Variants in PTPDC1 observed in about 807,000 individuals in gnomAD.
The protein encoded by PTPDC1 is protein tyrosine phosphatase domain containing 1.
In PTPDC1, 53 loss-of-function variants were observed where a neutral mutation model predicts 75.3. That is an observed-to-expected ratio of 0.70 (90% CI 0.56 to 0.88). The LOEUF (loss-of-function observed/expected upper bound fraction) is 0.88, where lower values mean the gene tolerates loss of function less well. Among genes scored for constraint, PTPDC1 ranks in the 40% least tolerant of loss-of-function variants. The pLI, the probability that PTPDC1 is intolerant of heterozygous loss-of-function variation, is 0.00. For synonymous variants in PTPDC1, 349 were observed against 366.2 expected (o/e 0.95, Z 0.54); for missense variants, 925 against 998.6 (o/e 0.93, Z 0.99).
chr9:94,096,198 C>T (rs1305024246), intron 5 of PTPDC1, among the ~76,000 whole-genome samples: 1 of 152,232 alleles, frequency 6.6e-6, no homozygotes, highest in East Asian at 1.9e-4. Flanking sequence ...CAGCTCAGCT[C>T]TGTCCGCAGT....
In PTPDC1 at chr9:94,044,883, T is replaced by G. The variant is rs568183070; in HGVS notation, c.-7+13756T>G. ...TATACTTTAAGTTTTAGGGTACATG[T>G]GCACAATGTGCAGGTTTGTTACATA... is the stretch of plus-strand genomic sequence containing the variant. On this transcript the variant is annotated intron_variant, in intron 1 of 9. Coordinates refer to the PTPDC1 transcript ENST00000375360. Among the ~76,000 whole-genome samples the G allele has an allele frequency of 7.2e-5, 11 of 152,174 alleles. 1 individual carries two copies. The South Asian group carries it at 2.3e-3, about 32-fold the overall frequency.
At chr9:94,065,371 A>C (rs188833334) in intron 2 of PTPDC1, among the ~76,000 whole-genome samples, 63 of 152,366 alleles carry the variant, frequency 4.1e-4, no homozygotes, top group Non-Finnish European at 8.1e-4. Context: ...CACCACCGGC[A>C]GTTAGCCAAG....
At chr9:94,038,710 T>C (rs1825346955) in intron 1 of PTPDC1, among the ~76,000 whole-genome samples, 1 of 152,208 alleles carries the variant, frequency 6.6e-6, no homozygotes, top group Admixed American at 6.5e-5. Context: ...ATTTAAATAC[T>C]GGGGAAATTC....
intron 2 of PTPDC1, among the ~76,000 whole-genome samples, chr9:94,073,238 T>C (rs532425540): frequency 6.6e-6 from 1 of 152,326 alleles, no homozygotes; most frequent in Admixed American, 6.5e-5. Flanking sequence ...CTTGGTTGAG[T>C]CTTGGTAGTT....
chr9:94,061,164 T>C (rs951144106), intron 1 of PTPDC1, among the ~76,000 whole-genome samples: 6 of 152,218 alleles, frequency 3.9e-5, no homozygotes, highest in Non-Finnish European at 4.4e-5. Flanking sequence ...AGAAAGGGGC[T>C]ACAAGCTCCA....
chr9:94,102,643 G>A (rs887326726), intron 7 of PTPDC1, among the ~76,000 whole-genome samples: 7 of 152,118 alleles, frequency 4.6e-5, no homozygotes, highest in South Asian at 2.1e-4. Context: ...GCAATGGCGC[G>A]ATCTCAGCTC....
chr9:94,068,346 G>C (rs1019519254), intron 2 of PTPDC1, among the ~76,000 whole-genome samples: 2 of 152,020 alleles, frequency 1.3e-5, no homozygotes, highest in African/African-American at 4.8e-5. Flanking sequence ...AAAGGCCCTA[G>C]TCACTCCTTT....
intron 8 of PTPDC1, among the ~76,000 whole-genome samples, chr9:94,104,674 C>T (rs1827955839): frequency 6.6e-6 from 1 of 152,172 alleles, no homozygotes; most frequent in Non-Finnish European, 1.5e-5. Context: ...GTGTTGAATA[C>T]ATATTTTTAG....
intron 2 of PTPDC1, among the ~76,000 whole-genome samples, chr9:94,075,207 G>T (rs1826644608): frequency 6.6e-6 from 1 of 152,110 alleles, no homozygotes; most frequent in Non-Finnish European, 1.5e-5. Context: ...TCTTCCAATT[G>T]GGGTATGGAA....
intron 4 of PTPDC1, among the ~76,000 whole-genome samples, chr9:94,091,691 C>T (rs1476004484): frequency 2.0e-5 from 3 of 152,112 alleles, no homozygotes; most frequent in African/African-American, 4.8e-5. Flanking sequence ...TGGTAGAATT[C>T]GGCTGTGAAT....
intron 1 of PTPDC1, chr9:94,038,066 C>T: frequency 1.9e-6 from 1 of 516,190 alleles, no homozygotes; most frequent in Non-Finnish European, 3.7e-6. Context: ...GATTTTTGTT[C>T]AGAAGTGTGC....
chr9:94,081,051 G>A (rs941896818), upstream of PTPDC1, among the ~76,000 whole-genome samples: 1 of 137,784 alleles, frequency 7.3e-6, no homozygotes, highest in East Asian at 2.1e-4. Flanking sequence ...GTGCAGTGGT[G>A]CAATCTCAGC....
At chr9:94,091,556 T>A (rs1352481845) in intron 4 of PTPDC1, among the ~76,000 whole-genome samples, 3 of 152,148 alleles carry the variant, frequency 2.0e-5, no homozygotes, top group Non-Finnish European at 4.4e-5. Flanking sequence ...TTTTTTGTTG[T>A]GTCTCTGCCT....
intron 2 of PTPDC1, among the ~76,000 whole-genome samples, chr9:94,076,377 T>C (rs530766032): frequency 2.6e-5 from 4 of 152,214 alleles, no homozygotes; most frequent in Non-Finnish European, 5.9e-5. Context: ...GCCACCAGAC[T>C]ACTTTCTGTC....
At chr9:94,088,092 A>AT in intron 3 of PTPDC1, 53 bp from the exon 4 acceptor site, 9 of 1,582,146 alleles carry the variant, frequency 5.7e-6, no homozygotes, top group Non-Finnish European at 5.1e-6. Context: ...AAAATGGTTA[A>AT]TTTTTTTTAA....
Position 94,085,419 on chromosome 9 carries a change from C to G in PTPDC1, c.413C>G (p.Ser138Cys), listed in dbSNP as rs1241562678. The change falls in exon 2 of 9, where the codon TCC (serine) becomes TGC (cysteine). Residue 138 changes from serine to cysteine, a missense_variant. By Grantham distance (112) the Ser-to-Cys change is moderately radical. Coordinates refer to ENST00000620992, the MANE Select transcript of PTPDC1 (RefSeq NM_001253829.2). ...QEQAIKGVYS[S>C]WVTDNILAMA... ...CAAGCCATTAAGGGGGTTTACTCAT[C>G]CTGGTGAGTGATCCTGTTGGTCTTT... The G allele has an allele frequency of 3.1e-6, 5 of 1,613,894 alleles. No individual in the cohort carries two copies. In the African/African-American group the frequency reaches 6.7e-5, roughly 22 times the overall value.
intron 2 of PTPDC1, among the ~76,000 whole-genome samples, chr9:94,076,092 C>A (rs186351799): frequency 1.3e-5 from 2 of 152,200 alleles, no homozygotes; most frequent in African/African-American, 4.8e-5. Context: ...CTCTGTCTCC[C>A]AGTTTTCAAG....
In PTPDC1 at chr9:94,087,910, A is replaced by G. The variant is rs375938955; in HGVS notation, c.496A>G (p.Ser166Gly). ...EKYHIIDQFLSHGIKTIINLQ... is the reference protein window; with the variant it reads ...EKYHIIDQFLGHGIKTIINLQ... Reference sequence around the variant, plus strand: ...GTACCACATCATTGATCAGTTCCTCAGGTAAATGCTGTATTGTTCACACAC... The same window carrying G: ...GTACCACATCATTGATCAGTTCCTCGGGTAAATGCTGTATTGTTCACACAC... Residue 166 changes from serine to glycine, a missense_variant and splice_region_variant, in exon 3 of 9, where the codon AGC becomes GGC. Physicochemically the swap from Ser to Gly is moderately conservative, Grantham distance 56. Transcript: ENST00000620992. 6.2e-7 allele frequency: 1 copy of G among 1,611,788 alleles called. No homozygotes were observed. The highest frequency in any genetic ancestry group is 8.5e-7 in the Non-Finnish European group (1 of 1,178,008).
chr9:94,101,224 C>T (rs1258429560), intron 6 of PTPDC1: 2 of 182,756 alleles, frequency 1.1e-5, no homozygotes, highest in African/African-American at 4.7e-5. Context: ...CTCTTGTGAA[C>T]TGTTTCTGTG....
Sources: allele counts gnomAD v4.1 joint callset (sites outside exome capture counted in the v4.1 genomes callset), GRCh38; gene constraint gnomAD v4.1.1; transcripts MANE v1.5; gene names NCBI Gene and HGNC (gene_info 2026-07-23, HGNC 2026-07-21).